Variants in SRGAP3 observed in about 807,000 individuals in gnomAD.
SRGAP3 encodes the protein SLIT-ROBO Rho GTPase-activating protein 3.
A neutral mutation model predicts 121.1 loss-of-function variants in SRGAP3; 39 were observed. The ratio of observed to expected loss-of-function variants is 0.32; its 90% CI spans 0.25 to 0.42. The LOEUF is 0.42. Among genes scored for constraint, SRGAP3 ranks in the 10% least tolerant of loss-of-function variants. The probability of loss-of-function intolerance (pLI) is 1.00; values close to 1 mark genes in which losing one functional copy is unlikely to be tolerated. For synonymous variants in SRGAP3, 601 were observed against 570.0 expected, an observed-to-expected ratio of 1.05 and a Z score of -0.77; for missense variants, 1,213 against 1,470.6, an observed-to-expected ratio of 0.82 and a Z score of 2.86.
At chr3:9,060,979 C>T (rs1946144504) in intron 5 of SRGAP3, among the ~76,000 whole-genome samples, 1 of 152,176 alleles carries the variant, frequency 6.6e-6, no homozygotes, top group Admixed American at 6.5e-5. Context: ...GGCCTGTAAT[C>T]CCAACACTTT....
intron 1 of SRGAP3, among the ~76,000 whole-genome samples, chr3:9,229,468 G>A (rs1321437162): frequency 6.6e-6 from 1 of 152,154 alleles, no homozygotes; most frequent in Non-Finnish European, 1.5e-5. Context: ...AGGCCGGCAT[G>A]GCAACCTCCC....
intron 3 of SRGAP3, among the ~76,000 whole-genome samples, chr3:9,271,670 T>G (rs1188782937): frequency 6.6e-6 from 1 of 152,160 alleles, no homozygotes; most frequent in Non-Finnish European, 1.5e-5. Flanking sequence ...GAACCCAACT[T>G]AGGAAAATTA....
chr3:9,188,524 C>T (rs1382330000), intron 1 of SRGAP3, among the ~76,000 whole-genome samples: 1 of 152,196 alleles, frequency 6.6e-6, no homozygotes, highest in Non-Finnish European at 1.5e-5. Context: ...CCTTCTCCAC[C>T]TTCTTATCCA....
intron 1 of SRGAP3, among the ~76,000 whole-genome samples, chr3:9,223,853 G>A (rs1406569380): frequency 6.6e-6 from 1 of 152,166 alleles, no homozygotes; most frequent in East Asian, 1.9e-4. Flanking sequence ...TAATGGGAAG[G>A]GTTGCTGTGA....
chr3:9,124,389 C>T (rs988000275), intron 2 of SRGAP3, among the ~76,000 whole-genome samples: 2 of 152,056 alleles, frequency 1.3e-5, no homozygotes, highest in African/African-American at 4.8e-5. Context: ...AGGGGTCTCA[C>T]CAGGGCACAA....
intron 1 of SRGAP3, among the ~76,000 whole-genome samples, chr3:9,331,694 C>G (rs980124101): frequency 6.6e-6 from 1 of 152,180 alleles, no homozygotes; most frequent in African/African-American, 2.4e-5. Context: ...AATGACATTG[C>G]ATAAGTTGCA....
At chr3:9,266,798 G>C (rs1954376730) in intron 3 of SRGAP3, among the ~76,000 whole-genome samples, 1 of 152,132 alleles carries the variant, frequency 6.6e-6, no homozygotes, top group African/African-American at 2.4e-5. Flanking sequence ...ATGGTAATGA[G>C]GCCTTACCAG....
intron 3 of SRGAP3, among the ~76,000 whole-genome samples, chr3:9,087,889 G>A (rs940352023): frequency 1.3e-5 from 2 of 152,132 alleles, no homozygotes; most frequent in Non-Finnish European, 2.9e-5. Flanking sequence ...GCCGCCAGAG[G>A]GAACCAGCCC....
chr3:9,350,308 T>C (rs1454645478), intron 1 of SRGAP3, among the ~76,000 whole-genome samples: 1 of 152,162 alleles, frequency 6.6e-6, no homozygotes, highest in East Asian at 1.9e-4. Context: ...GGAGCTTACA[T>C]TTCAGTAGGG....
chr3:9,253,755 G>A (rs1354203096), upstream of SRGAP3, among the ~76,000 whole-genome samples: 1 of 152,168 alleles, frequency 6.6e-6, no homozygotes, highest in African/African-American at 2.4e-5. Flanking sequence ...ATGACAACAT[G>A]CCTAATGTGT....
In SRGAP3 at chr3:8,980,919, A is replaced by G; in HGVS notation, c.*4600T>C. ...TGTAAACAGTCACACTGCCGGGAACAAGGGCCTGGGCAGAAACCCTAGCCA... is the reference window on the plus strand; with the variant it reads ...TGTAAACAGTCACACTGCCGGGAACGAGGGCCTGGGCAGAAACCCTAGCCA... On this transcript the variant is annotated 3_prime_UTR_variant, in exon 22 of 22. Transcript: ENST00000383836. The G allele has an allele frequency of 4.3e-6, 1 of 233,498 alleles. No individual in the cohort carries two copies. Among genetic ancestry groups the G allele is most frequent in the Non-Finnish European group, 8.5e-6 (1 of 117,906 alleles). 14.5% of individuals were successfully genotyped at this position (233,498 alleles called of 1,614,324 possible).
At chr3:9,341,444 G>C (rs1210792417) in intron 1 of SRGAP3, among the ~76,000 whole-genome samples, 1 of 152,178 alleles carries the variant, frequency 6.6e-6, no homozygotes, top group Non-Finnish European at 1.5e-5. Context: ...AGCCTCCCCT[G>C]AAATAAATAC....
At chr3:9,139,601 G>A (rs1049295571) in intron 1 of SRGAP3, among the ~76,000 whole-genome samples, 27 of 152,232 alleles carry the variant, frequency 1.8e-4, no homozygotes, top group Non-Finnish European at 3.2e-4. Context: ...TTGGATTGGT[G>A]AAGCTGATTG....
At position 9,223,721 on chromosome 3, in the gene SRGAP3, C is replaced by T. The variant is rs567428773; in HGVS notation, c.67+25164G>A. Among the ~76,000 whole-genome samples, 25 of 152,288 alleles carry T rather than the reference C, an allele frequency of 1.6e-4. No individual in the cohort carries two copies. In the South Asian group the frequency reaches 4.8e-3, roughly 29 times the overall value. ...AGGTGTTCCAAAGGCATTTTATCCC[C>T]GTTTCCCACCAGCCATTATGAGGAC... On this transcript the variant is annotated intron_variant, in intron 1 of 21. Coordinates refer to ENST00000383836, the MANE Select transcript of SRGAP3 (RefSeq NM_014850.4).
chr3:9,231,521 C>T (rs542597788), intron 1 of SRGAP3, among the ~76,000 whole-genome samples: 34 of 152,290 alleles, frequency 2.2e-4, no homozygotes, highest in Admixed American at 1.0e-3. Flanking sequence ...ATAATGTTTT[C>T]TGGAAGACTA....
chr3:9,335,347 T>A lies in SRGAP3; in HGVS notation n.215-4751A>T, dbSNP rs77513355. On this transcript the variant is annotated intron_variant and non_coding_transcript_variant, in intron 1 of 3. Coordinates refer to the SRGAP3 transcript ENST00000490889. ...GTGTGAGTGAATTTATATGTGTGTA[T>A]AAATCTTTGATTTTGAAATATTAAC... 1.7e-3 allele frequency among the ~76,000 whole-genome samples: 263 copies of A among 152,370 alleles called. 7 individuals are homozygous for A. In the East Asian group the frequency reaches 0.041, roughly 24 times the overall value.
upstream of SRGAP3, among the ~76,000 whole-genome samples, chr3:9,250,495 G>GT (rs1953983274): frequency 2.0e-5 from 3 of 152,222 alleles, no homozygotes; most frequent in East Asian, 3.9e-4. Context: ...AATAAGCACA[G>GT]TAAGTATATT....
At chr3:9,013,564 T>A in intron 16 of SRGAP3, 29 bp from the exon 17 acceptor site, 2 of 1,612,174 alleles carry the variant, frequency 1.2e-6, no homozygotes, top group Non-Finnish European at 1.7e-6. Context: ...CCACAAGTCA[T>A]CTGGGAAAGG....
intron 1 of SRGAP3, among the ~76,000 whole-genome samples, chr3:9,160,807 T>C (rs1045611014): frequency 2.0e-5 from 3 of 152,236 alleles, no homozygotes; most frequent in Admixed American, 2.0e-4. Flanking sequence ...TTTATAATAA[T>C]AATACTAGGC....
Sources: gnomAD v4.1 joint callset for allele counts (sites outside exome capture counted in the v4.1 genomes callset) on GRCh38, gnomAD v4.1.1 for gene constraint, MANE v1.5 for transcripts, NCBI Gene and HGNC (gene_info 2026-07-23, HGNC 2026-07-21) for gene names.